Variants in MMP15 observed in about 807,000 individuals in gnomAD.
MMP15 encodes the protein matrix metallopeptidase 15.
In MMP15, 36 loss-of-function variants were observed where a neutral mutation model predicts 65.0. The ratio of observed to expected loss-of-function variants is 0.55; its 90% CI spans 0.42 to 0.73. MMP15 has a LOEUF of 0.73. MMP15 is among the 30% of genes least tolerant of loss of function. The pLI is 0.00. For synonymous variants in MMP15, 428 were observed against 410.2 expected (o/e 1.04, Z -0.52); for missense variants, 870 against 987.8 (o/e 0.88, Z 1.60).
At chr16:58,032,430 C>A (rs538555373) in intron 1 of MMP15, among the ~76,000 whole-genome samples, 2 of 152,116 alleles carry the variant, frequency 1.3e-5, no homozygotes, top group East Asian at 2.0e-4. Flanking sequence ...GAATGGGGGG[C>A]CTTGAGTGGC....
At chr16:58,044,433 G>A (rs565480200) in intron 9 of MMP15, among the ~76,000 whole-genome samples, 1 of 152,144 alleles carries the variant, frequency 6.6e-6, no homozygotes, top group East Asian at 1.9e-4. Context: ...GGTGACTCAG[G>A]GGGGACCTTG....
intron 1 of MMP15, among the ~76,000 whole-genome samples, chr16:58,028,289 C>T (rs908995672): frequency 6.6e-6 from 1 of 152,206 alleles, no homozygotes; most frequent in African/African-American, 2.4e-5. Context: ...TGCTCCTGAT[C>T]TGGAGGTTGT....
intron 1 of MMP15, among the ~76,000 whole-genome samples, chr16:58,035,133 G>A (rs892166019): frequency 9.2e-5 from 14 of 152,198 alleles, no homozygotes; most frequent in East Asian, 1.9e-4. Context: ...TCATGGCCTC[G>A]CCTTCTAGAT....
rs1402786105 is a variant in MMP15 at position 58,043,210 on chromosome 16, G to A, written c.1304G>A (p.Gly435Asp). ...RQDGRFVFFK[G>D]DRYWLFREAN... ...ACTGTGCCTGCCACCCCTCCTGTAGGTGACCGCTACTGGCTCTTTCGAGAA... is the reference window on the plus strand; with the variant it reads ...ACTGTGCCTGCCACCCCTCCTGTAGATGACCGCTACTGGCTCTTTCGAGAA... Residue 435 changes from glycine to aspartate, a missense_variant and splice_region_variant, in exon 8 of 10, where the codon GGT becomes GAT. Gly to Asp is a moderately conservative substitution (Grantham distance 94, BLOSUM62 -1). Transcript: ENST00000219271. The A allele has an allele frequency of 1.9e-6, 3 of 1,587,492 alleles. No individual in the cohort carries two copies. Among genetic ancestry groups the A allele is most frequent in the Non-Finnish European group, 2.6e-6 (3 of 1,164,806 alleles).
rs1459870469 is a variant in MMP15 at position 58,041,732 on chromosome 16, G to A, written c.1026G>A (p.Gly342=). ...CTCCCCAGCCACCACCCCCAGGTGG[G>A]AAGCCAGAGCGGCCCCCAAAGCCGG... The part of the protein sequence containing the change: ...PRPPQPPPPG[G]KPERPPKPGP... The change falls in exon 6 of 10, where the codon GGG becomes GGA. Residue 342 remains glycine (G), a synonymous_variant. Coordinates refer to ENST00000219271, the MANE Select transcript of MMP15 (RefSeq NM_002428.4). 6 of 1,593,354 alleles carry A rather than the reference G, an allele frequency of 3.8e-6. No individual in the cohort carries two copies. In the African/African-American group the frequency reaches 5.4e-5, roughly 14 times the overall value.
chr16:58,028,876 C>A (rs1255749718), intron 1 of MMP15, among the ~76,000 whole-genome samples: 1 of 152,266 alleles, frequency 6.6e-6, no homozygotes. Flanking sequence ...CCACATTCTC[C>A]CTTGGATGTC....
intron 1 of MMP15, among the ~76,000 whole-genome samples, chr16:58,031,797 A>G (rs1430475412): frequency 2.0e-5 from 3 of 148,996 alleles, no homozygotes; most frequent in African/African-American, 7.5e-5. Flanking sequence ...AATGTGGAAC[A>G]TGCTGCCTCT....
intron 7 of MMP15, 129 bp downstream of exon 7, chr16:58,042,498 CTCTGGGAGGATG>C: frequency 7.6e-7 from 1 of 1,312,112 alleles, no homozygotes. Context: ...TGTGGGCTCA[CTCTGGGAGGATG>C]AGGACACAGC....
Position 58,045,072 on chromosome 16 carries a change from C to T in MMP15, c.1636C>T (p.Pro546Ser). Residue 546 changes from proline (P) to serine (S), a missense_variant, in exon 10 of 10, where the codon CCC becomes TCC. Coordinates refer to ENST00000219271, the MANE Select transcript of MMP15 (RefSeq NM_002428.4). Reference protein sequence around the residue: ...KFDNERLRMEPGYPKSILRDF... With the variant: ...KFDNERLRMESGYPKSILRDF... ...CGACAATGAGCGCCTGCGGATGGAG[C>T]CCGGCTACCCCAAGTCCATCCTGCG... The T allele has an allele frequency of 6.2e-7, 1 of 1,613,164 alleles. No individual in the cohort carries two copies. Among genetic ancestry groups the T allele is most frequent in the Non-Finnish European group, 8.5e-7 (1 of 1,179,884 alleles).
At chr16:58,040,813 G>A (rs750029101) in intron 5 of MMP15, 115 bp downstream of exon 5, 1 of 1,437,452 alleles carries the variant, frequency 7.0e-7, no homozygotes, top group African/African-American at 1.4e-5. Flanking sequence ...GCTCAGTGAG[G>A]ATTAGTGACT....
intron 1 of MMP15, among the ~76,000 whole-genome samples, chr16:58,036,373 G>A (rs1490973859): frequency 6.6e-6 from 1 of 152,204 alleles, no homozygotes; most frequent in Non-Finnish European, 1.5e-5. Flanking sequence ...TTTTGTAGGT[G>A]TGTTGGGTCT....
intron 3 of MMP15, among the ~76,000 whole-genome samples, chr16:58,039,042 T>C (rs1392250762): frequency 6.6e-6 from 1 of 152,226 alleles, no homozygotes; most frequent in East Asian, 1.9e-4. Flanking sequence ...CCATACGTCA[T>C]CAAATGCAGT....
intron 3 of MMP15, 137 bp downstream of exon 3, chr16:58,038,531 C>A: frequency 8.9e-7 from 1 of 1,124,026 alleles, no homozygotes; most frequent in Non-Finnish European, 1.3e-6. Flanking sequence ...GCCACACACG[C>A]CAGGCAGTCT....
chr16:58,045,878 G>A lies in MMP15; in HGVS notation c.*432G>A. The stretch of plus-strand genomic sequence containing the variant: ...CCTCCTTCCCAAGTGAGTCTCTCTG[G>A]GCCTTAGGAAGAGCCTTCCACCCAG... On this transcript the variant is annotated 3_prime_UTR_variant, in exon 10 of 10. Coordinates refer to ENST00000219271, the MANE Select transcript of MMP15 (RefSeq NM_002428.4). 1 of 173,538 alleles carries A rather than the reference G, an allele frequency of 5.8e-6. No homozygotes were observed. Among genetic ancestry groups the A allele is most frequent in the Middle Eastern group, 2.8e-3 (1 of 356 alleles). 10.7% of individuals were successfully genotyped at this position (173,538 alleles called of 1,614,324 possible). A position where few individuals can be genotyped will look rare whatever the true frequency, so the allele number is the denominator to read the frequency against.
In MMP15 at chr16:58,040,063, C is replaced by T. The variant is rs774025590; in HGVS notation, c.629C>T (p.Ser210Leu). The T allele has an allele frequency of 9.3e-6, 15 of 1,614,028 alleles. No homozygotes were observed. Among genetic ancestry groups the T allele is most frequent in the South Asian group, 3.3e-5 (3 of 91,090 alleles). Residue 210 changes from serine (S) to leucine (L), a missense_variant, in exon 4 of 10, where the codon TCG becomes TTG. Coordinates refer to ENST00000219271, the MANE Select transcript of MMP15 (RefSeq NM_002428.4). ...LFASGFHGDS[S>L]PFDGTGGFLA... ...GCCTCTGGCTTCCACGGCGACAGCT[C>T]GCCGTTTGATGGCACCGGTGGCTTT...
chr16:58,043,276 A>G lies in MMP15; in HGVS notation c.1370A>G (p.Tyr457Cys). 6.2e-7 allele frequency: 1 copy of G among 1,602,794 alleles called. No individual in the cohort carries two copies. The highest frequency in any genetic ancestry group is 8.5e-7 in the Non-Finnish European group (1 of 1,174,094). Residue 457 changes from tyrosine (Y) to cysteine (C), a missense_variant, in exon 8 of 10, where the codon TAT becomes TGT. Tyr to Cys is a radical substitution (Grantham distance 194). Transcript: ENST00000219271. ...EPGYPQPLTS[Y>C]GLGIPYDRID... ...GGCTACCCACAGCCGCTGACCAGCT[A>G]TGGCCTGGGCATCCCCTATGACCGC... is the stretch of plus-strand genomic sequence containing the variant.
intron 1 of MMP15, among the ~76,000 whole-genome samples, chr16:58,028,995 TA>T (rs1901152035): frequency 6.6e-6 from 1 of 152,200 alleles, no homozygotes; most frequent in Admixed American, 6.5e-5. Flanking sequence ...GGGGAGCTCT[TA>T]TCTCACCTGC....
In MMP15 at chr16:58,043,269, A is replaced by C; in HGVS notation, c.1363A>C (p.Thr455Pro). 1 of 1,602,616 alleles carries C rather than the reference A, an allele frequency of 6.2e-7. No individual in the cohort carries two copies. Among genetic ancestry groups the C allele is most frequent in the Non-Finnish European group, 8.5e-7 (1 of 1,174,020 alleles). Reference protein sequence around the residue: ...NLEPGYPQPLTSYGLGIPYDR... With the variant: ...NLEPGYPQPLPSYGLGIPYDR... ...GGAGCCCGGCTACCCACAGCCGCTGACCAGCTATGGCCTGGGCATCCCCTA... is the reference window on the plus strand; with the variant it reads ...GGAGCCCGGCTACCCACAGCCGCTGCCCAGCTATGGCCTGGGCATCCCCTA... Residue 455 changes from threonine (T) to proline (P), a missense_variant, in exon 8 of 10, where the codon ACC (threonine) becomes CCC (proline). Physicochemically the swap from Thr to Pro is conservative, Grantham distance 38. Coordinates refer to ENST00000219271, the MANE Select transcript of MMP15 (RefSeq NM_002428.4).
rs1220822012 is a variant in MMP15, at chr16:58,037,505, C to T, written c.196C>T (p.Pro66Ser). The T allele has an allele frequency of 2.5e-6, 4 of 1,613,652 alleles. No homozygotes were observed. The highest frequency in any genetic ancestry group is 2.5e-6 in the Non-Finnish European group (3 of 1,180,008). The change falls in exon 2 of 10, where the codon CCC becomes TCC. Residue 66 changes from proline to serine, a missense_variant. Physicochemically the swap from Pro to Ser is moderately conservative, Grantham distance 74. Transcript: ENST00000219271. The stretch of plus-strand genomic sequence containing the variant: ...GCGGCTTTATGGCTACCTGCCTCAG[C>T]CCAGCCGCCATATGTCCACCATGCG... ...WLRLYGYLPQPSRHMSTMRSA... is the reference protein window; with the variant it reads ...WLRLYGYLPQSSRHMSTMRSA...
Sources: allele counts gnomAD v4.1 joint callset (sites outside exome capture counted in the v4.1 genomes callset), GRCh38; gene constraint gnomAD v4.1.1; transcripts MANE v1.5; gene names NCBI Gene and HGNC (gene_info 2026-07-23, HGNC 2026-07-21).